ZNF385D: variants seen among roughly 807,000 people sequenced by gnomAD.
The protein encoded by ZNF385D is zinc finger protein 385D, also known as zinc finger protein 659.
ZNF385D carries 15 observed loss-of-function variants against 35.8 expected under a neutral mutation model. The ratio of observed to expected loss-of-function variants is 0.42; its 90% CI spans 0.28 to 0.64. The LOEUF (loss-of-function observed/expected upper bound fraction) is 0.64. Ranked by LOEUF, ZNF385D falls within the 30% of genes least tolerant of loss-of-function variation. The pLI is 0.23. For synonymous variants in ZNF385D, 212 were observed against 186.8 expected (o/e 1.13, Z -1.10); for missense variants, 474 against 494.6 (o/e 0.96, Z 0.39).
At chr3:21,464,894 A>G (rs1439329471) in intron 4 of ZNF385D, among the ~76,000 whole-genome samples, 1 of 152,044 alleles carries the variant, frequency 6.6e-6, no homozygotes, top group Non-Finnish European at 1.5e-5. Flanking sequence ...TGCTTACCAC[A>G]CATTACACGG....
chr3:22,015,839 G>C (rs1271901886), intron 3 of ZNF385D, among the ~76,000 whole-genome samples: 1 of 152,066 alleles, frequency 6.6e-6, no homozygotes, highest in South Asian at 2.1e-4. Flanking sequence ...CTATGCCAAA[G>C]TTCTAGAGGA....
At chr3:21,562,726 TTAAAA>T (rs1170424816) in intron 3 of ZNF385D, among the ~76,000 whole-genome samples, 17 of 152,290 alleles carry the variant, frequency 1.1e-4, no homozygotes, top group South Asian at 4.1e-4. Flanking sequence ...AAAAAGCCAC[TTAAAA>T]TAATAATTAT....
chr3:21,785,537 C>T (rs746774170), intron 3 of ZNF385D, among the ~76,000 whole-genome samples: 3 of 152,172 alleles, frequency 2.0e-5, no homozygotes, highest in Non-Finnish European at 4.4e-5. Context: ...GCTTTGTACC[C>T]TTTAACCATC....
intron 3 of ZNF385D, among the ~76,000 whole-genome samples, chr3:21,993,208 C>T (rs1497926): frequency 6.6e-6 from 1 of 152,116 alleles, no homozygotes; most frequent in African/African-American, 2.4e-5. Flanking sequence ...CTGTCTCTGT[C>T]GGCCTCCTTC....
chr3:22,059,259 G>T (rs560283285), intron 3 of ZNF385D, among the ~76,000 whole-genome samples: 1 of 152,270 alleles, frequency 6.6e-6, no homozygotes, highest in Admixed American at 6.5e-5. Flanking sequence ...AGGAAAGAGA[G>T]AAAGGGAAAA....
chr3:21,859,527 T>C (rs1260988388), intron 3 of ZNF385D, among the ~76,000 whole-genome samples: 1 of 151,820 alleles, frequency 6.6e-6, no homozygotes, highest in East Asian at 2.0e-4. Flanking sequence ...GCCCGTGGAA[T>C]AGAGAGTTCA....
At chr3:22,364,005 A>T (rs1696535753) in intron 2 of ZNF385D, among the ~76,000 whole-genome samples, 1 of 152,132 alleles carries the variant, frequency 6.6e-6, no homozygotes, top group South Asian at 2.1e-4. Context: ...TACTTAAATG[A>T]ATCATCCTTT....
chr3:21,977,262 C>T (rs1703688094), intron 3 of ZNF385D, among the ~76,000 whole-genome samples: 1 of 151,986 alleles, frequency 6.6e-6, no homozygotes, highest in Non-Finnish European at 1.5e-5. Flanking sequence ...TGTGGAAATC[C>T]ATTGAACTGT....
At chr3:22,179,301 A>G (rs1412631667) in intron 2 of ZNF385D, among the ~76,000 whole-genome samples, 25 of 152,268 alleles carry the variant, frequency 1.6e-4, no homozygotes, top group Non-Finnish European at 2.6e-4. Context: ...GGTCCTTCAC[A>G]TCCCTTGTAA....
chr3:22,162,259 G>A (rs1288683325), intron 3 of ZNF385D, among the ~76,000 whole-genome samples: 2 of 152,024 alleles, frequency 1.3e-5, no homozygotes, highest in African/African-American at 4.8e-5. Context: ...TATTTCTTTG[G>A]CATATTTTAA....
intron 3 of ZNF385D, among the ~76,000 whole-genome samples, chr3:22,010,062 A>C (rs1183512787): frequency 2.6e-5 from 4 of 152,172 alleles, no homozygotes; most frequent in Non-Finnish European, 5.9e-5. Context: ...CAATTAAGCT[A>C]ATCATCTGCC....
chr3:21,547,379 C>G (rs1410083322), intron 3 of ZNF385D, among the ~76,000 whole-genome samples: 1 of 152,064 alleles, frequency 6.6e-6, no homozygotes, highest in African/African-American at 2.4e-5. Flanking sequence ...CCCCTTGTTT[C>G]ATTTAAATAC....
chr3:22,271,852 A>G (rs902637411), intron 2 of ZNF385D, among the ~76,000 whole-genome samples: 1 of 151,974 alleles, frequency 6.6e-6, no homozygotes, highest in African/African-American at 2.4e-5. Flanking sequence ...CTGGCTTACA[A>G]TGGTTCAATT....
chr3:21,881,230 T>C (rs1236157719), intron 3 of ZNF385D, among the ~76,000 whole-genome samples: 1 of 151,740 alleles, frequency 6.6e-6, no homozygotes, highest in Non-Finnish European at 1.5e-5. Flanking sequence ...AGGACTTTCA[T>C]AGCTCTAAGG....
chr3:21,903,386 C>G (rs943209344), intron 3 of ZNF385D, among the ~76,000 whole-genome samples: 1 of 152,092 alleles, frequency 6.6e-6, no homozygotes, highest in African/African-American at 2.4e-5. Flanking sequence ...AATTGTGACC[C>G]TAACTCTATT....
intron 4 of ZNF385D, among the ~76,000 whole-genome samples, chr3:21,459,077 G>T (rs769354389): frequency 2.6e-5 from 4 of 152,108 alleles, no homozygotes; most frequent in African/African-American, 4.8e-5. Context: ...TAAGAGGGGA[G>T]CACAGGTTCT....
intron 2 of ZNF385D, among the ~76,000 whole-genome samples, chr3:22,223,113 A>T (rs1698357321): frequency 6.6e-6 from 1 of 152,160 alleles, no homozygotes; most frequent in Non-Finnish European, 1.5e-5. Flanking sequence ...AAGAACTATG[A>T]TAATTATATT....
chr3:21,870,004 A>G (rs1697599338), intron 3 of ZNF385D, among the ~76,000 whole-genome samples: 1 of 151,726 alleles, frequency 6.6e-6, no homozygotes, highest in Admixed American at 6.6e-5. Context: ...CCCACTGTGG[A>G]TTTTTTTTTA....
At chr3:21,912,578 G>C (rs1277477563) in intron 3 of ZNF385D, among the ~76,000 whole-genome samples, 8 of 152,042 alleles carry the variant, frequency 5.3e-5, no homozygotes, top group Non-Finnish European at 1.0e-4. Flanking sequence ...GATTGCTATA[G>C]TGCATGCAAG....
Sources: gnomAD v4.1 joint callset for allele counts (sites outside exome capture counted in the v4.1 genomes callset) on GRCh38, gnomAD v4.1.1 for gene constraint, MANE v1.5 for transcripts, NCBI Gene and HGNC (gene_info 2026-07-23, HGNC 2026-07-21) for gene names.